The following SNAPC5 variants were observed in gnomAD, a reference collection of about 807,000 sequenced individuals.
SNAPC5 encodes the protein snRNA-activating protein complex subunit 5.
SNAPC5 carries 12 observed loss-of-function variants against 9.1 expected under a neutral mutation model. The ratio of observed to expected loss-of-function variants is 1.32; its 90% CI spans 0.85 to 2.15. SNAPC5 has a LOEUF of 2.15. Ranked by LOEUF, SNAPC5 falls within the 30% of genes most tolerant of loss-of-function variation. SNAPC5 has a pLI of 0.00. For synonymous variants in SNAPC5, 52 were observed against 47.3 expected, an observed-to-expected ratio of 1.10 and a Z score of -0.41; for missense variants, 132 against 114.4, an observed-to-expected ratio of 1.15 and a Z score of -0.70.
chr15:66,493,108 C>G (rs1426268055), downstream of SNAPC5, among the ~76,000 whole-genome samples: 1 of 152,142 alleles, frequency 6.6e-6, no homozygotes, highest in Non-Finnish European at 1.5e-5. Flanking sequence ...AAAATAACTT[C>G]AATGAAATGT....
In SNAPC5 at chr15:66,494,125, C is replaced by A; in HGVS notation, c.*311G>T. The A allele has an allele frequency of 4.0e-6, 1 of 251,224 alleles. No homozygotes were observed. The highest frequency in any genetic ancestry group is 7.7e-6 in the Non-Finnish European group (1 of 129,214). The allele number at this position is 251,224 out of a possible 1,614,324, so 15.6% of individuals were successfully genotyped here. A position where few individuals can be genotyped will look rare whatever the true frequency, so the allele number is the denominator to read the frequency against. ...TAAACTCTGCTCTTTTTGCAAATGA[C>A]AGACTTTCTCAACAGTATTTCAGAG... is the stretch of plus-strand genomic sequence containing the variant. On this transcript the variant is annotated 3_prime_UTR_variant, in exon 3 of 3. Transcript: ENST00000316634.
chr15:66,497,178 C>A, intron 1 of SNAPC5: 1 of 236,314 alleles, frequency 4.2e-6, no homozygotes, highest in South Asian at 1.3e-4. Flanking sequence ...TCAGTTTCTT[C>A]CTTGGTAGCA....
downstream of SNAPC5, chr15:66,490,250 C>A: frequency 1.6e-6 from 1 of 622,934 alleles, no homozygotes; most frequent in Non-Finnish European, 2.9e-6. Context: ...GCATTTAAGG[C>A]AGAGTTACTG....
At chr15:66,492,113 G>C, downstream of SNAPC5, 2 of 453,748 alleles carry the variant, frequency 4.4e-6, no homozygotes, top group South Asian at 3.1e-5. Context: ...CTGGAAAGGA[G>C]GAATGTGCCT....
Position 66,494,298 on chromosome 15 carries a change from T to C in SNAPC5, c.*138A>G. ...TTACCGATGGAGCCATTTTTGCAAC[T>C]ACACATCCTCCTTATAGTTCTTGCT... On this transcript the variant is annotated 3_prime_UTR_variant, in exon 3 of 3. Coordinates refer to ENST00000316634, the MANE Select transcript of SNAPC5 (RefSeq NM_001329615.2). 1 of 665,250 alleles carries C rather than the reference T, an allele frequency of 1.5e-6. No homozygotes were observed. Among genetic ancestry groups the C allele is most frequent in the South Asian group, 1.8e-5 (1 of 55,738 alleles). 41.2% of individuals were successfully genotyped at this position (665,250 alleles called of 1,614,324 possible).
rs1893380224 is a variant in SNAPC5, at chr15:66,495,051, ACTCTCCCCC to A, written c.180+270_180+278del. On this transcript the variant is annotated intron_variant, in intron 2 of 2. Coordinates refer to ENST00000316634, the MANE Select transcript of SNAPC5 (RefSeq NM_001329615.2). ...TTGACATCGTCCTACAAAAATCTCC[ACTCTCCCCC>A]GGGTTCATCTGAGTAACTAGACAGA... 1.3e-5 allele frequency: 6 copies of A among 449,344 alleles called. No individual in the cohort carries two copies. In the South Asian group the frequency reaches 1.6e-4, roughly 12 times the overall value. The allele number at this position is 449,344 out of a possible 1,614,324, so 27.8% of individuals were successfully genotyped here.
At chr15:66,491,959 G>A (rs899982427), downstream of SNAPC5, 1 of 456,638 alleles carries the variant, frequency 2.2e-6, no homozygotes, top group South Asian at 1.5e-5. Flanking sequence ...CTTTTAGGCT[G>A]TCATGCTCAT....
Position 66,497,737 on chromosome 15 carries a change from C to G in SNAPC5, c.-6G>C, listed in dbSNP as rs375109333. On this transcript the variant is annotated 5_prime_UTR_variant, in exon 1 of 3. Transcript: ENST00000316634. ...TCCTGAAGCCGGCTCAGCATGTTGC[C>G]TGGTCACATAGCCAACCTCCGGGCT... The G allele has an allele frequency of 1.9e-6, 3 of 1,608,590 alleles. No homozygotes were observed. The highest frequency in any genetic ancestry group is 1.3e-5 in the African/African-American group (1 of 74,818).
At chr15:66,496,397 G>A (rs1029787359) in intron 1 of SNAPC5, among the ~76,000 whole-genome samples, 2 of 152,178 alleles carry the variant, frequency 1.3e-5, no homozygotes, top group South Asian at 2.1e-4. Context: ...CCCGGGAGGC[G>A]GAGGTTGCAG....
downstream of SNAPC5, chr15:66,490,506 A>G: frequency 6.2e-7 from 1 of 1,611,350 alleles, no homozygotes; most frequent in Non-Finnish European, 8.5e-7. Flanking sequence ...ATGCAGGTTC[A>G]TGCTTTTATC....
rs559694049 is a variant in SNAPC5 at position 66,493,716 on chromosome 15, T to C, written c.*720A>G. On this transcript the variant is annotated 3_prime_UTR_variant, in exon 3 of 3. Coordinates refer to ENST00000316634, the MANE Select transcript of SNAPC5 (RefSeq NM_001329615.2). ...GTCTTCCAAGCATGGCACATCTCTC[T>C]TAAGGACCAGAAATGGATTTCAAAC... 1 of 152,326 alleles carries C rather than the reference T, an allele frequency of 6.6e-6. No homozygotes were observed. The highest frequency in any genetic ancestry group is 6.5e-5 in the Admixed American group (1 of 15,292). The allele number at this position is 152,326 out of a possible 1,614,324, so 9.4% of individuals were successfully genotyped here.
intron 1 of SNAPC5, among the ~76,000 whole-genome samples, 195 bp from the exon 2 acceptor site, chr15:66,495,614 T>A (rs1252232003): frequency 1.3e-5 from 2 of 152,202 alleles, no homozygotes; most frequent in Non-Finnish European, 2.9e-5. Flanking sequence ...AAAGAAAGAC[T>A]CTAGCCCTTC....
chr15:66,492,133 T>C (rs541926693), downstream of SNAPC5: 116 of 447,960 alleles, frequency 2.6e-4, no homozygotes, highest in South Asian at 1.8e-3. Flanking sequence ...TGGCGCTGGC[T>C]TTGTCATGCC....
chr15:66,492,152 G>A, downstream of SNAPC5: 1 of 433,436 alleles, frequency 2.3e-6, no homozygotes, highest in South Asian at 1.6e-5. Flanking sequence ...CCTGTGAGGT[G>A]GCAGTGATGT....
At chr15:66,492,581 G>A (rs886166024), downstream of SNAPC5, among the ~76,000 whole-genome samples, 95 of 152,094 alleles carry the variant, frequency 6.2e-4, no homozygotes, top group African/African-American at 2.2e-3. Context: ...TACTGAGAAT[G>A]TTTCATTAAA....
intron 1 of SNAPC5, 100 bp from the exon 2 acceptor site, chr15:66,495,519 G>A (rs756592875): frequency 7.2e-5 from 52 of 726,734 alleles, no homozygotes; most frequent in Non-Finnish European, 1.1e-4. Context: ...CATCAAGAGA[G>A]GGAATGAAAA....
At chr15:66,495,268 A>G in intron 2 of SNAPC5, 62 bp downstream of exon 2, 1 of 965,780 alleles carries the variant, frequency 1.0e-6, no homozygotes, top group Non-Finnish European at 1.7e-6. Flanking sequence ...TCACCACCCA[A>G]GCAGCATGGG....
rs1486046727 is a variant in SNAPC5, at chr15:66,494,413, A to T, written c.*23T>A. On this transcript the variant is annotated 3_prime_UTR_variant, in exon 3 of 3. Transcript: ENST00000316634. The stretch of plus-strand genomic sequence containing the variant: ...CTTAGAAATGCAATTTGTATAACTG[A>T]CCAGCCTGGCTTTCCCCCTCCTTTA... 6.6e-7 allele frequency: 1 copy of T among 1,521,470 alleles called. No individual in the cohort carries two copies. 94.2% of individuals were successfully genotyped at this position (1,521,470 alleles called of 1,614,324 possible).
intron 1 of SNAPC5, 59 bp downstream of exon 1, chr15:66,497,583 G>T: frequency 1.3e-6 from 2 of 1,482,278 alleles, no homozygotes; most frequent in African/African-American, 1.4e-5. Flanking sequence ...GGCCCAGGTT[G>T]GGGGGAAATG....
Sources: allele counts gnomAD v4.1 joint callset (sites outside exome capture counted in the v4.1 genomes callset), GRCh38; gene constraint gnomAD v4.1.1; transcripts MANE v1.5; gene names NCBI Gene and HGNC (gene_info 2026-07-23, HGNC 2026-07-21).